The following NKAIN2 variants were observed in gnomAD, a reference collection of about 807,000 sequenced individuals.
The protein encoded by NKAIN2 is sodium/potassium-transporting ATPase subunit beta-1-interacting protein 2.
A neutral mutation model predicts 32.6 loss-of-function variants in NKAIN2; 14 were observed. The ratio of observed to expected loss-of-function variants is 0.43; its 90% CI spans 0.28 to 0.67. The LOEUF (loss-of-function observed/expected upper bound fraction) is 0.67. NKAIN2 is among the 30% of genes least tolerant of loss of function. The probability of loss-of-function intolerance (pLI) is 0.17; values close to 1 mark genes in which losing one functional copy is unlikely to be tolerated. For synonymous variants in NKAIN2, 80 were observed against 87.2 expected (o/e 0.92, Z 0.46); for missense variants, 198 against 258.3 (o/e 0.77, Z 1.60).
At chr6:124,330,586 G>A (rs1022679161) in intron 2 of NKAIN2, among the ~76,000 whole-genome samples, 1 of 152,174 alleles carries the variant, frequency 6.6e-6, no homozygotes, top group Non-Finnish European at 1.5e-5. Flanking sequence ...TTGGCTAAGG[G>A]TAATTCCTGA....
At chr6:124,265,857 T>A (rs73563784) in intron 1 of NKAIN2, among the ~76,000 whole-genome samples, 96 of 152,360 alleles carry the variant, frequency 6.3e-4, no homozygotes, top group African/African-American at 2.2e-3. Context: ...GGAGCTCACC[T>A]GTAGCCAGGG....
At chr6:124,728,874 A>T (rs1403046676) in intron 4 of NKAIN2, among the ~76,000 whole-genome samples, 1 of 151,026 alleles carries the variant, frequency 6.6e-6, no homozygotes, top group East Asian at 1.9e-4. Context: ...GATAAAGGGG[A>T]TATCACCACC....
At chr6:124,457,956 A>G (rs1053084916) in intron 3 of NKAIN2, among the ~76,000 whole-genome samples, 4 of 152,096 alleles carry the variant, frequency 2.6e-5, no homozygotes, top group Admixed American at 1.3e-4. Context: ...TAATATTGCA[A>G]GATGCTAAAG....
chr6:124,581,572 A>C (rs1167732629), intron 3 of NKAIN2, among the ~76,000 whole-genome samples: 1 of 152,180 alleles, frequency 6.6e-6, no homozygotes, highest in Non-Finnish European at 1.5e-5. Context: ...TCACCTCAGC[A>C]CATGGACCAT....
chr6:123,843,118 C>G (rs1774944256), intron 1 of NKAIN2, among the ~76,000 whole-genome samples: 1 of 152,152 alleles, frequency 6.6e-6, no homozygotes, highest in Non-Finnish European at 1.5e-5. Context: ...ACAAACAATT[C>G]TCTTTTAGCT....
chr6:124,221,493 A>G (rs1791818766), intron 1 of NKAIN2, among the ~76,000 whole-genome samples: 1 of 151,976 alleles, frequency 6.6e-6, no homozygotes, highest in African/African-American at 2.4e-5. Context: ...CCAGCGTGGC[A>G]CATGTATACA....
At chr6:124,702,519 A>G (rs1045887005) in intron 4 of NKAIN2, among the ~76,000 whole-genome samples, 2 of 152,040 alleles carry the variant, frequency 1.3e-5, no homozygotes, top group African/African-American at 4.8e-5. Flanking sequence ...TAGATACATT[A>G]CAGTGTTTAA....
At chr6:124,053,751 T>C (rs1199927931) in intron 1 of NKAIN2, among the ~76,000 whole-genome samples, 3 of 152,022 alleles carry the variant, frequency 2.0e-5, no homozygotes, top group Admixed American at 6.6e-5. Flanking sequence ...AATTTTAGAT[T>C]GTTTCTAAAA....
intron 1 of NKAIN2, among the ~76,000 whole-genome samples, chr6:124,094,449 G>A (rs1265015559): frequency 1.3e-5 from 2 of 152,020 alleles, no homozygotes; most frequent in African/African-American, 2.4e-5. Flanking sequence ...CTTTGCATTT[G>A]TTCCTAGGGA....
intron 4 of NKAIN2, among the ~76,000 whole-genome samples, chr6:124,720,673 T>C (rs369371355): frequency 6.6e-6 from 1 of 152,240 alleles, no homozygotes; most frequent in Admixed American, 6.5e-5. Context: ...GACTGGAGAT[T>C]CAGATAGCCA....
Position 123,957,139 on chromosome 6 carries a change from T to C in NKAIN2, c.54+152885T>C, listed in dbSNP as rs142259295. On this transcript the variant is annotated intron_variant, in intron 1 of 6. Transcript: ENST00000368417. ...TGTATGTGTCCATGTGTTCTCATCA[T>C]AAAATCAATCATTTTTTATGCGTAT... 2.1e-3 allele frequency among the ~76,000 whole-genome samples: 313 copies of C among 152,316 alleles called. 3 individuals carry two copies. Among genetic ancestry groups the C allele is most frequent in the African/African-American group, 7.0e-3 (290 of 41,586 alleles).
chr6:124,757,264 A>G (rs1219751899), intron 4 of NKAIN2, among the ~76,000 whole-genome samples: 1 of 151,954 alleles, frequency 6.6e-6, no homozygotes, highest in East Asian at 1.9e-4. Flanking sequence ...TTTTTCCCAC[A>G]TTTCCTTTTG....
intron 2 of NKAIN2, among the ~76,000 whole-genome samples, chr6:124,295,186 T>C (rs1204996368): frequency 6.6e-6 from 1 of 152,178 alleles, no homozygotes; most frequent in African/African-American, 2.4e-5. Context: ...CACTTAAAGT[T>C]ACATTTTCAG....
At chr6:124,814,593 C>G (rs1781061145) in intron 5 of NKAIN2, among the ~76,000 whole-genome samples, 1 of 152,090 alleles carries the variant, frequency 6.6e-6, no homozygotes, top group African/African-American at 2.4e-5. Context: ...CTCTCTCTAC[C>G]TACACAGCAT....
chr6:124,698,523 C>T (rs1277691681), intron 4 of NKAIN2, among the ~76,000 whole-genome samples: 1 of 152,118 alleles, frequency 6.6e-6, no homozygotes, highest in Non-Finnish European at 1.5e-5. Flanking sequence ...AGTAACATAA[C>T]AATGACATAG....
intron 1 of NKAIN2, among the ~76,000 whole-genome samples, chr6:123,943,485 G>A (rs1387472878): frequency 1.3e-5 from 2 of 151,942 alleles, no homozygotes; most frequent in East Asian, 1.9e-4. Flanking sequence ...TGTGGAAAGG[G>A]GACAGTGCTT....
In NKAIN2 at chr6:124,241,806, A is replaced by AT. The variant is rs140506419; in HGVS notation, c.55-41191dup. Among the ~76,000 whole-genome samples the AT allele has an allele frequency of 2.7e-3, 407 of 152,050 alleles. 3 individuals carry two copies. Among genetic ancestry groups the AT allele is most frequent in the African/African-American group, 9.2e-3 (383 of 41,494 alleles). On this transcript the variant is annotated intron_variant, in intron 1 of 6. Coordinates refer to ENST00000368417, the MANE Select transcript of NKAIN2 (RefSeq NM_001040214.3). Reference sequence around the variant, plus strand: ...TTTCCTTGTAAAATCTATTTAATATATTTTTTTTAAAAGTACTATCATAAT... The same window carrying AT: ...TTTCCTTGTAAAATCTATTTAATATATTTTTTTTTAAAAGTACTATCATAAT...
intron 1 of NKAIN2, among the ~76,000 whole-genome samples, chr6:123,848,724 G>A (rs1775193157): frequency 6.6e-6 from 1 of 152,204 alleles, no homozygotes; most frequent in South Asian, 2.1e-4. Flanking sequence ...ATTTGACTGA[G>A]CCAAAGGGTG....
chr6:124,782,641 C>A lies in NKAIN2; in HGVS notation c.475-8698C>A, dbSNP rs572879523. 3.9e-5 allele frequency among the ~76,000 whole-genome samples: 6 copies of A among 152,162 alleles called. No individual in the cohort carries two copies. In the South Asian group the frequency reaches 1.2e-3, roughly 32 times the overall value. ...AAATTTATTTTTACAAATGCCTTAC[C>A]TTTTGTATAGTTAATTTTGCTATTG... On this transcript the variant is annotated intron_variant, in intron 4 of 6. Transcript: ENST00000368417.
Sources: gnomAD v4.1 joint callset for allele counts (sites outside exome capture counted in the v4.1 genomes callset) on GRCh38, gnomAD v4.1.1 for gene constraint, MANE v1.5 for transcripts, NCBI Gene and HGNC (gene_info 2026-07-23, HGNC 2026-07-21) for gene names.